Variants in FGF16 observed in about 807,000 individuals in gnomAD.
FGF16 encodes metacarpal 4-5 fusion.
FGF16 carries 2 observed loss-of-function variants against 8.5 expected under a neutral mutation model. That is an observed-to-expected ratio of 0.24 (90% CI 0.10 to 0.75). The LOEUF (loss-of-function observed/expected upper bound fraction) is 0.75. Among genes scored for constraint, FGF16 ranks in the 30% least tolerant of loss-of-function variants. The probability of loss-of-function intolerance (pLI) is 0.74; values close to 1 mark genes in which losing one functional copy is unlikely to be tolerated. For missense variants in FGF16, 79 were observed against 87.4 expected (o/e 0.90, Z 0.38); for synonymous variants, 33 against 34.6 (o/e 0.95, Z 0.16).
chrX:77,447,551 G>C lies in FGF16; in HGVS notation c.-124G>C. ...TGCAGCTCGGCAGAGCGCGGAGCAA[G>C]CGAGCTAGCGAGGGAGCGCCGCCGA... On this transcript the variant is annotated 5_prime_UTR_variant, in exon 1 of 3. Coordinates refer to ENST00000439435, the MANE Select transcript of FGF16 (RefSeq NM_003868.3). 4 of 286,605 alleles carry C rather than the reference G, an allele frequency of 1.4e-5. No homozygotes were observed. Among genetic ancestry groups the C allele is most frequent in the Non-Finnish European group, 1.8e-5 (3 of 163,238 alleles). 23.6% of individuals were successfully genotyped at this position (286,605 alleles called of 1,213,427 possible). A position where few individuals can be genotyped will look rare whatever the true frequency, so the allele number is the denominator to read the frequency against.
chrX:77,453,562 G>C (rs1196360343), intron 1 of FGF16, among the ~76,000 whole-genome samples: 1 of 111,934 alleles, frequency 8.9e-6, no homozygotes, highest in Non-Finnish European at 1.9e-5. Flanking sequence ...ATGCTTTTTA[G>C]GAGAAAGCTC....
At chrX:77,454,913 C>T (rs1199409646) in intron 2 of FGF16, among the ~76,000 whole-genome samples, 6 of 104,746 alleles carry the variant, frequency 5.7e-5, no homozygotes, top group Non-Finnish European at 3.9e-5. Context: ...TCTCTTGCCT[C>T]AGCCTCCCGA....
Position 77,447,548 on chromosome X carries a change from C to A in FGF16, c.-127C>A. The A allele has an allele frequency of 3.5e-6, 1 of 286,327 alleles. No homozygotes were observed. Among genetic ancestry groups the A allele is most frequent in the Non-Finnish European group, 6.1e-6 (1 of 163,086 alleles). The allele number at this position is 286,327 out of a possible 1,213,427, so 23.6% of individuals were successfully genotyped here. Reference sequence around the variant, plus strand: ...GACTGCAGCTCGGCAGAGCGCGGAGCAAGCGAGCTAGCGAGGGAGCGCCGC... The same window carrying A: ...GACTGCAGCTCGGCAGAGCGCGGAGAAAGCGAGCTAGCGAGGGAGCGCCGC... On this transcript the variant is annotated 5_prime_UTR_variant, in exon 1 of 3. Transcript: ENST00000439435.
At chrX:77,452,814 A>C (rs2062561060) in intron 1 of FGF16, among the ~76,000 whole-genome samples, 1 of 112,577 alleles carries the variant, frequency 8.9e-6, no homozygotes, top group Non-Finnish European at 1.9e-5. Context: ...ACAGTGGTGC[A>C]TGCCTGTAAT....
In FGF16 at chrX:77,454,272, G is replaced by GTTTTTTT. The variant is rs782034788; in HGVS notation, c.378+36_378+42dup. The GTTTTTTT allele has an allele frequency of 5.4e-4, 82 of 151,410 alleles. No homozygotes were observed. The highest frequency in any genetic ancestry group is 8.7e-4 in the African/African-American group (10 of 11,478). 12.5% of individuals were successfully genotyped at this position (151,410 alleles called of 1,213,427 possible). A position where few individuals can be genotyped will look rare whatever the true frequency, so the allele number is the denominator to read the frequency against. On this transcript the variant is annotated intron_variant, in intron 2 of 2. Coordinates refer to ENST00000439435, the MANE Select transcript of FGF16 (RefSeq NM_003868.3). Reference sequence around the variant, plus strand: ...AACTCTATGGGTCGGTAAGTTTAAGGTTTTTTTTTTTTTTTTTTTTTTTTT... The same window carrying GTTTTTTT: ...AACTCTATGGGTCGGTAAGTTTAAGGTTTTTTTTTTTTTTTTTTTTTTTTTTTTTTTT...
rs2062544834 is a variant in FGF16 at position 77,447,540 on chromosome X, G to A, written c.-135G>A. 3.5e-6 allele frequency: 1 copy of A among 283,821 alleles called. No homozygotes were observed. Among genetic ancestry groups the A allele is most frequent in the East Asian group, 5.1e-5 (1 of 19,788 alleles). 23.4% of individuals were successfully genotyped at this position (283,821 alleles called of 1,213,427 possible). A position where few individuals can be genotyped will look rare whatever the true frequency, so the allele number is the denominator to read the frequency against. ...CAGACGTCGACTGCAGCTCGGCAGA[G>A]CGCGGAGCAAGCGAGCTAGCGAGGG... On this transcript the variant is annotated 5_prime_UTR_variant, in exon 1 of 3. Coordinates refer to ENST00000439435, the MANE Select transcript of FGF16 (RefSeq NM_003868.3).
intron 1 of FGF16, among the ~76,000 whole-genome samples, chrX:77,448,731 G>A (rs2062548460): frequency 1.8e-5 from 2 of 112,078 alleles, no homozygotes; most frequent in South Asian, 7.5e-4. Context: ...GTTCAACACA[G>A]CTGCCTGTCT....
chrX:77,454,852 A>C (rs2062568284), intron 2 of FGF16, among the ~76,000 whole-genome samples: 1 of 83,730 alleles, frequency 1.2e-5, no homozygotes, highest in Non-Finnish European at 2.2e-5. Context: ...GCTGGAGTGC[A>C]GTGGCGCAAC....
Position 77,456,670 on chromosome X carries a change from C to A in FGF16, c.*148C>A. On this transcript the variant is annotated 3_prime_UTR_variant, in exon 3 of 3. Coordinates refer to ENST00000439435, the MANE Select transcript of FGF16 (RefSeq NM_003868.3). ...CTGTTGAACTCAACCCAGCTGTTCC[C>A]TTGTTGTTCAAAGTGTATATCAAGG... is the stretch of plus-strand genomic sequence containing the variant. The A allele has an allele frequency of 1.8e-6, 1 of 540,722 alleles. No homozygotes were observed. Among genetic ancestry groups the A allele is most frequent in the South Asian group, 3.5e-5 (1 of 28,202 alleles). 44.6% of individuals were successfully genotyped at this position (540,722 alleles called of 1,213,427 possible).
At chrX:77,453,243 T>C (rs781829953) in intron 1 of FGF16, among the ~76,000 whole-genome samples, 1 of 112,034 alleles carries the variant, frequency 8.9e-6, no homozygotes, top group South Asian at 3.7e-4. Context: ...GACTATTATG[T>C]CTGTATCTAG....
At chrX:77,451,874 G>A (rs987326022) in intron 1 of FGF16, among the ~76,000 whole-genome samples, 2 of 112,103 alleles carry the variant, frequency 1.8e-5, no homozygotes, top group Non-Finnish European at 3.8e-5. Context: ...AAATGCACAA[G>A]AACACAAAAT....
chrX:77,454,302 T>TC (rs1158016359), intron 2 of FGF16, 42 bp downstream of exon 2: 1 of 697,868 alleles, frequency 1.4e-6, no homozygotes, highest in East Asian at 4.0e-5. Flanking sequence ...TTTTTTTTTT[T>TC]GGTCAGAGGT....
chrX:77,452,432 C>T, intron 1 of FGF16, among the ~76,000 whole-genome samples: 1 of 112,917 alleles, frequency 8.9e-6, no homozygotes, highest in Middle Eastern at 4.6e-3. Flanking sequence ...GTCTCAATCT[C>T]ATTTCCCGAG....
intron 1 of FGF16, among the ~76,000 whole-genome samples, chrX:77,449,345 G>A (rs1412181218): frequency 9.0e-6 from 1 of 111,247 alleles, no homozygotes; most frequent in African/African-American, 3.3e-5. Flanking sequence ...TCCTCAAAAG[G>A]GTGATAAGGT....
rs1392250417 is a variant in FGF16, at chrX:77,456,673, G to A, written c.*151G>A. 9.6e-6 allele frequency: 5 copies of A among 521,916 alleles called. No homozygotes were observed. The highest frequency in any genetic ancestry group is 9.5e-5 in the African/African-American group (4 of 42,282). 43.0% of individuals were successfully genotyped at this position (521,916 alleles called of 1,213,427 possible). On this transcript the variant is annotated 3_prime_UTR_variant, in exon 3 of 3. Coordinates refer to ENST00000439435, the MANE Select transcript of FGF16 (RefSeq NM_003868.3). ...TTGAACTCAACCCAGCTGTTCCCTT[G>A]TTGTTCAAAGTGTATATCAAGGTTG...
intron 1 of FGF16, among the ~76,000 whole-genome samples, chrX:77,453,213 T>C (rs1340762862): frequency 8.9e-6 from 1 of 112,197 alleles, no homozygotes; most frequent in Non-Finnish European, 1.9e-5. Flanking sequence ...CAGGCAGGAA[T>C]ATCAAAGAGG....
chrX:77,453,195 T>C (rs2062562309), intron 1 of FGF16, among the ~76,000 whole-genome samples: 1 of 112,080 alleles, frequency 8.9e-6, no homozygotes, highest in Non-Finnish European at 1.9e-5. Context: ...TGTTGAGAAA[T>C]GTGATTACAG....
chrX:77,456,268 C>T lies in FGF16; in HGVS notation c.379-9C>T. 1 of 1,208,547 alleles carries T rather than the reference C, an allele frequency of 8.3e-7. No homozygotes were observed. Among genetic ancestry groups the T allele is most frequent in the South Asian group, 1.8e-5 (1 of 56,761 alleles). On this transcript the variant is annotated splice_polypyrimidine_tract_variant and intron_variant, in intron 2 of 2. Transcript: ENST00000439435. ...TAATGGGTTCTGCTTTATTTTCTCA[C>T]CCTCACAGAAGAAACTCACACGTGA... is the stretch of plus-strand genomic sequence containing the variant.
intron 2 of FGF16, among the ~76,000 whole-genome samples, 170 bp downstream of exon 2, chrX:77,454,430 C>T (rs1423417641): frequency 1.9e-5 from 2 of 106,813 alleles, no homozygotes; most frequent in African/African-American, 6.9e-5. Context: ...GTGGGCGGAT[C>T]ACAAGGTGAG....
Sources: allele counts gnomAD v4.1 joint callset (sites outside exome capture counted in the v4.1 genomes callset), GRCh38; gene constraint gnomAD v4.1.1; transcripts MANE v1.5; gene names NCBI Gene and HGNC (gene_info 2026-07-23, HGNC 2026-07-21).